The following GNAQ variants were observed in gnomAD, a reference collection of about 807,000 sequenced individuals.
The protein encoded by GNAQ is G protein subunit alpha q.
In GNAQ, 8 loss-of-function variants were observed where a neutral mutation model predicts 43.9. The ratio of observed to expected loss-of-function variants is 0.18; its 90% CI spans 0.11 to 0.33. GNAQ has a LOEUF of 0.33. Ranked by LOEUF, GNAQ falls within the 10% of genes least tolerant of loss-of-function variation. The pLI, the probability that GNAQ is intolerant of heterozygous loss-of-function variation, is 1.00. For synonymous variants in GNAQ, 155 were observed against 170.7 expected, an observed-to-expected ratio of 0.91 and a Z score of 0.71; for missense variants, 158 against 450.8, an observed-to-expected ratio of 0.35 and a Z score of 5.88.
At chr9:77,856,716 T>C (rs184064391) in intron 2 of GNAQ, among the ~76,000 whole-genome samples, 4 of 152,344 alleles carry the variant, frequency 2.6e-5, no homozygotes, top group Non-Finnish European at 4.4e-5. Context: ...TTTTATAATA[T>C]ATACTGTGCA....
intron 1 of GNAQ, among the ~76,000 whole-genome samples, chr9:77,973,326 G>A (rs1261504725): frequency 6.6e-6 from 1 of 152,200 alleles, no homozygotes; most frequent in East Asian, 1.9e-4. Flanking sequence ...ATGTGCAGCA[G>A]TAAGGGCAGG....
chr9:77,891,160 T>A (rs1476963543), intron 2 of GNAQ, among the ~76,000 whole-genome samples: 1 of 152,168 alleles, frequency 6.6e-6, no homozygotes, highest in Non-Finnish European at 1.5e-5. Flanking sequence ...TTTTCCTTAT[T>A]TTGATTTTTT....
At chr9:77,955,969 A>C (rs1370648835) in intron 1 of GNAQ, among the ~76,000 whole-genome samples, 1 of 152,188 alleles carries the variant, frequency 6.6e-6, no homozygotes, top group Non-Finnish European at 1.5e-5. Context: ...TTTCTTGGCT[A>C]TCTTAGTGGG....
chr9:78,009,031 C>G (rs1823742434), intron 1 of GNAQ, among the ~76,000 whole-genome samples: 1 of 152,182 alleles, frequency 6.6e-6, no homozygotes. Context: ...GGCTTTCTCT[C>G]TTTAAGAACC....
chr9:78,024,207 C>T (rs1026507008), intron 1 of GNAQ, among the ~76,000 whole-genome samples: 9 of 151,986 alleles, frequency 5.9e-5, no homozygotes, highest in Non-Finnish European at 1.3e-4. Context: ...AAACATTGTC[C>T]CAAGAGAACA....
In GNAQ at chr9:77,984,148, C is replaced by T. The variant is rs149881636; in HGVS notation, c.136+46952G>A. Among the ~76,000 whole-genome samples, 9 of 144,076 alleles carry T rather than the reference C, an allele frequency of 6.2e-5. No individual in the cohort carries two copies. In the East Asian group the frequency reaches 1.0e-3, roughly 17 times the overall value. The allele number at this position is 144,076 out of a possible 152,430, so 94.5% of individuals were successfully genotyped here. ...AAGTTTTTGAATTTTAGTTGAAGTA[C>T]GTAGATTTCTGGGATTTTTTTGCTT... On this transcript the variant is annotated intron_variant, in intron 1 of 6. Coordinates refer to ENST00000286548, the MANE Select transcript of GNAQ (RefSeq NM_002072.5).
intron 3 of GNAQ, among the ~76,000 whole-genome samples, chr9:77,798,337 CTT>C (rs1826690349): frequency 6.6e-6 from 1 of 152,124 alleles, no homozygotes; most frequent in African/African-American, 2.4e-5. Context: ...TTTGAAATAA[CTT>C]TAGACTCACA....
At chr9:77,760,895 C>G (rs1217041991) in intron 5 of GNAQ, among the ~76,000 whole-genome samples, 1 of 148,136 alleles carries the variant, frequency 6.8e-6, no homozygotes, top group Admixed American at 6.7e-5. Context: ...TCTGCCCGGT[C>G]GCGACCCCGT....
Position 77,894,368 on chromosome 9 carries a change from T to TTAATAGAAAATATATATA in GNAQ, c.321+27792_321+27793insTATATATATTTTCTATTA. On this transcript the variant is annotated intron_variant, in intron 2 of 6. Coordinates refer to ENST00000286548, the MANE Select transcript of GNAQ (RefSeq NM_002072.5). ...TATATTTAATAGAAAATATATATAT[T>TTAATAGAAAATATATATA]ATATATATATTTAATAGAAAAAAAA... 8.5e-3 allele frequency among the ~76,000 whole-genome samples: 88 copies of TTAATAGAAAATATATATA among 10,296 alleles called. 14 individuals are homozygous for TTAATAGAAAATATATATA. Among genetic ancestry groups the TTAATAGAAAATATATATA allele is most frequent in the African/African-American group, 0.025 (86 of 3,476 alleles). 6.8% of individuals were successfully genotyped at this position (10,296 alleles called of 152,430 possible).
intron 5 of GNAQ, among the ~76,000 whole-genome samples, chr9:77,755,638 A>T (rs547186140): frequency 1.3e-5 from 2 of 152,198 alleles, no homozygotes; most frequent in Non-Finnish European, 2.9e-5. Context: ...ATCATGTGAC[A>T]TAAGATTTAT....
chr9:77,998,071 C>T (rs565533083), intron 1 of GNAQ, among the ~76,000 whole-genome samples: 2 of 152,268 alleles, frequency 1.3e-5, no homozygotes, highest in African/African-American at 4.8e-5. Flanking sequence ...CACGCACACG[C>T]GCGCATGTAC....
At chr9:77,876,148 G>A (rs553697872) in intron 2 of GNAQ, among the ~76,000 whole-genome samples, 1 of 152,142 alleles carries the variant, frequency 6.6e-6, no homozygotes, top group Non-Finnish European at 1.5e-5. Flanking sequence ...AGCCCCTGAA[G>A]CAGAAAAAGA....
intron 1 of GNAQ, among the ~76,000 whole-genome samples, chr9:77,999,250 A>G (rs1318777927): frequency 6.6e-6 from 1 of 152,180 alleles, no homozygotes; most frequent in African/African-American, 2.4e-5. Context: ...TTTGGCTTAC[A>G]TGATTCAATT....
chr9:77,962,389 T>C (rs756358888), intron 1 of GNAQ, among the ~76,000 whole-genome samples: 17 of 152,076 alleles, frequency 1.1e-4, no homozygotes, highest in Non-Finnish European at 2.4e-4. Context: ...ATCATCCTGC[T>C]GAAAACCAGT....
At chr9:77,808,248 T>A (rs563375950) in intron 3 of GNAQ, among the ~76,000 whole-genome samples, 103 of 152,032 alleles carry the variant, frequency 6.8e-4, no homozygotes, top group African/African-American at 2.4e-3. Flanking sequence ...AGAGTAGAGT[T>A]AAGCATACCT....
At chr9:77,819,162 G>C (rs1443997343) in intron 2 of GNAQ, among the ~76,000 whole-genome samples, 2 of 152,050 alleles carry the variant, frequency 1.3e-5, no homozygotes. Flanking sequence ...AGAATTCTTA[G>C]CAAGCTGGTG....
At chr9:77,909,918 A>C (rs562229078) in intron 2 of GNAQ, among the ~76,000 whole-genome samples, 1 of 152,268 alleles carries the variant, frequency 6.6e-6, no homozygotes, top group African/African-American at 2.4e-5. Context: ...TGACACAAAA[A>C]GTCATTTTTT....
At chr9:78,003,827 G>A (rs200818119) in intron 1 of GNAQ, among the ~76,000 whole-genome samples, 276 of 136,186 alleles carry the variant, frequency 2.0e-3, no homozygotes, top group Non-Finnish European at 2.0e-3. Context: ...AAAAAAAAAA[G>A]AAAAAAAAAA....
At chr9:77,852,061 T>G (rs1350625676) in intron 2 of GNAQ, among the ~76,000 whole-genome samples, 1 of 152,118 alleles carries the variant, frequency 6.6e-6, no homozygotes, top group East Asian at 1.9e-4. Context: ...GATCAACTGC[T>G]GACATAGAAT....
Sources: gnomAD v4.1 joint callset for allele counts (sites outside exome capture counted in the v4.1 genomes callset) on GRCh38, gnomAD v4.1.1 for gene constraint, MANE v1.5 for transcripts, NCBI Gene and HGNC (gene_info 2026-07-23, HGNC 2026-07-21) for gene names.